Variants in BCAS3 observed in about 807,000 individuals in gnomAD.
BCAS3 encodes BCAS3 microtubule associated cell migration factor, also known as BCAS4/BCAS3 fusion.
A neutral mutation model predicts 116.1 loss-of-function variants in BCAS3; 53 were observed. The ratio of observed to expected loss-of-function variants is 0.46; its 90% CI spans 0.37 to 0.57. BCAS3 has a LOEUF of 0.57. Among genes scored for constraint, BCAS3 ranks in the 20% least tolerant of loss-of-function variants. BCAS3 has a pLI of 0.00. For missense variants in BCAS3, 917 were observed against 1,165.4 expected (o/e 0.79, Z 3.10); for synonymous variants, 391 against 408.2 (o/e 0.96, Z 0.51).
chr17:60,965,303 C>T (rs2061599445), intron 14 of BCAS3, among the ~76,000 whole-genome samples: 1 of 148,658 alleles, frequency 6.7e-6, no homozygotes, highest in Non-Finnish European at 1.5e-5. Flanking sequence ...CTCACTGCAA[C>T]CTCTGCCTCC....
At position 61,377,979 on chromosome 17, in the gene BCAS3, T is replaced by C. The variant is rs986710256; in HGVS notation, c.2593+9485T>C. On this transcript the variant is annotated intron_variant, in intron 23 of 23. Transcript: ENST00000407086. This position sits in a 1 kb window ranked among gnomAD's most constrained non-coding sequence, Gnocchi z 4.6. The stretch of plus-strand genomic sequence containing the variant: ...TTTTATCAGTTATTCTCACCTTTTA[T>C]TCAGAATAAGTAGGGATCCAGCAGA... The C allele has an allele frequency of 6.6e-6, 1 of 152,184 alleles. No individual in the cohort carries two copies. The highest frequency in any genetic ancestry group is 1.5e-5 in the Non-Finnish European group (1 of 68,038). The allele number at this position is 152,184 out of a possible 1,614,324, so 9.4% of individuals were successfully genotyped here.
chr17:60,756,393 A>G (rs1005139585), intron 6 of BCAS3, among the ~76,000 whole-genome samples: 2 of 152,264 alleles, frequency 1.3e-5, no homozygotes, highest in South Asian at 2.1e-4. Flanking sequence ...GTTTGTACCC[A>G]TTAACCAACC....
Position 61,391,625 on chromosome 17 carries a change from G to A in BCAS3, c.2594-352G>A. On this transcript the variant is annotated intron_variant, in intron 23 of 23. Coordinates refer to ENST00000407086, the MANE Select transcript of BCAS3 (RefSeq NM_017679.5). This position sits in a 1 kb window ranked among gnomAD's most constrained non-coding sequence, Gnocchi z 7.7. Reference sequence around the variant, plus strand: ...GACAGAAGGCACTGTGGAGTTGGGGGCATGCTGGCTGAGCATGAGTGTGTG... The same window carrying A: ...GACAGAAGGCACTGTGGAGTTGGGGACATGCTGGCTGAGCATGAGTGTGTG... The A allele has an allele frequency of 4.9e-6, 1 of 202,792 alleles. No individual in the cohort carries two copies. Among genetic ancestry groups the A allele is most frequent in the Non-Finnish European group, 9.8e-6 (1 of 101,902 alleles). The allele number at this position is 202,792 out of a possible 1,614,324, so 12.6% of individuals were successfully genotyped here. A position where few individuals can be genotyped will look rare whatever the true frequency, so the allele number is the denominator to read the frequency against.
intron 22 of BCAS3, among the ~76,000 whole-genome samples, chr17:61,092,268 C>T (rs1364275283): frequency 2.0e-5 from 3 of 152,086 alleles, no homozygotes; most frequent in Non-Finnish European, 4.4e-5. Context: ...CTGTCATTTC[C>T]AGCTTTTGGC....
intron 22 of BCAS3, among the ~76,000 whole-genome samples, chr17:61,334,539 C>G (rs904221999): frequency 6.6e-6 from 1 of 151,840 alleles, no homozygotes; most frequent in African/African-American, 2.4e-5. Flanking sequence ...GTGGCCCTGC[C>G]CGTATTCCCA....
At chr17:61,147,276 A>T (rs1601575462) in intron 22 of BCAS3, among the ~76,000 whole-genome samples, 1 of 151,810 alleles carries the variant, frequency 6.6e-6, no homozygotes, top group East Asian at 1.9e-4. Context: ...GGGTTTCTCC[A>T]TGTTGGTCAG....
chr17:61,078,801 C>T (rs1349743055), intron 21 of BCAS3, among the ~76,000 whole-genome samples: 1 of 152,124 alleles, frequency 6.6e-6, no homozygotes, highest in African/African-American at 2.4e-5. Context: ...CTTTTTGATG[C>T]TTTGCTTATA....
intron 16 of BCAS3, among the ~76,000 whole-genome samples, chr17:61,016,805 G>A (rs1019791386): frequency 2.6e-5 from 4 of 152,128 alleles, no homozygotes; most frequent in South Asian, 2.1e-4. Context: ...TGGCTGCTAC[G>A]TCAATATATC....
Position 60,990,367 on chromosome 17 carries a change from C to A in BCAS3, c.1486+132C>A. Reference sequence around the variant, plus strand: ...GAAGATCTTAGGCTTATATGAAATTCTTAATTATTAAATAATTTAATAAAT... The same window carrying A: ...GAAGATCTTAGGCTTATATGAAATTATTAATTATTAAATAATTTAATAAAT... On this transcript the variant is annotated intron_variant, in intron 15 of 23. Transcript: ENST00000407086. The surrounding 1 kb of genome is among the most constrained non-coding windows in gnomAD (Gnocchi z 5.1). 1.1e-6 allele frequency: 1 copy of A among 943,974 alleles called. No individual in the cohort carries two copies. The allele number at this position is 943,974 out of a possible 1,614,324, so 58.5% of individuals were successfully genotyped here.
rs2048970571 is a variant in BCAS3 at position 61,258,645 on chromosome 17, G to A, written c.2426-109682G>A. 6.6e-6 allele frequency among the ~76,000 whole-genome samples: 1 copy of A among 152,222 alleles called. No individual in the cohort carries two copies. The highest frequency in any genetic ancestry group is 2.4e-5 in the African/African-American group (1 of 41,464). On this transcript the variant is annotated intron_variant, in intron 22 of 23. Coordinates refer to ENST00000407086, the MANE Select transcript of BCAS3 (RefSeq NM_017679.5). This position sits in a 1 kb window ranked among gnomAD's most constrained non-coding sequence, Gnocchi z 4.7. The stretch of plus-strand genomic sequence containing the variant: ...TAATACAACATTGATTAAGTAAGTA[G>A]ACTGATGTTCACTCCTTATTGCATG...
chr17:60,857,829 G>GA (rs1279496329), intron 7 of BCAS3, among the ~76,000 whole-genome samples: 1 of 152,192 alleles, frequency 6.6e-6, no homozygotes, highest in Non-Finnish European at 1.5e-5. Context: ...TGTTGAATGA[G>GA]AGGTTTTTCT....
At chr17:60,875,804 G>A (rs898215648) in intron 9 of BCAS3, among the ~76,000 whole-genome samples, 3 of 151,712 alleles carry the variant, frequency 2.0e-5, no homozygotes, top group South Asian at 2.1e-4. Context: ...TCCTGTAAAG[G>A]CCATAAACAA....
intron 23 of BCAS3, chr17:61,384,690 C>T (rs1429062006): frequency 2.0e-5 from 3 of 152,282 alleles, no homozygotes; most frequent in Non-Finnish European, 4.4e-5. Context: ...GTCAGCACAG[C>T]ATTTTCTCTC....
intron 22 of BCAS3, among the ~76,000 whole-genome samples, chr17:61,210,478 G>A (rs2081392985): frequency 6.6e-6 from 1 of 152,224 alleles, no homozygotes; most frequent in Non-Finnish European, 1.5e-5. Context: ...AGACTTGAAA[G>A]AGAGAGCCAG....
In BCAS3 at chr17:61,099,097, C is replaced by T. The variant is rs532233840; in HGVS notation, c.2425+14533C>T. ...TGAGATCGCACCATTGCACTCCAGC[C>T]TGGGTGACAGAGTGAGACTCTGTCT... On this transcript the variant is annotated intron_variant, in intron 22 of 23. Coordinates refer to ENST00000407086, the MANE Select transcript of BCAS3 (RefSeq NM_017679.5). 8.8e-4 allele frequency among the ~76,000 whole-genome samples: 134 copies of T among 152,120 alleles called. 1 individual carries two copies. The highest frequency in any genetic ancestry group is 2.0e-3 in the Admixed American group (30 of 15,282).
At chr17:60,933,825 A>G (rs2059785044) in intron 13 of BCAS3, among the ~76,000 whole-genome samples, 1 of 152,226 alleles carries the variant, frequency 6.6e-6, no homozygotes, top group Admixed American at 6.5e-5. Flanking sequence ...CACAATGCAA[A>G]GGCAACTTGA....
chr17:60,877,456 G>A (rs1300394649), intron 9 of BCAS3, among the ~76,000 whole-genome samples: 1 of 152,140 alleles, frequency 6.6e-6, no homozygotes, highest in Non-Finnish European at 1.5e-5. Context: ...AAGTGAACAG[G>A]AGACTGAGTT....
intron 19 of BCAS3, among the ~76,000 whole-genome samples, chr17:61,059,727 TAGAA>T (rs1336389876): frequency 6.6e-6 from 1 of 152,126 alleles, no homozygotes; most frequent in Non-Finnish European, 1.5e-5. Flanking sequence ...TTCAAAGCTA[TAGAA>T]AGAAATTTTA....
At chr17:60,723,512 C>T (rs2039473206) in intron 5 of BCAS3, among the ~76,000 whole-genome samples, 2 of 152,026 alleles carry the variant, frequency 1.3e-5, no homozygotes, top group African/African-American at 4.8e-5. Flanking sequence ...AGACATGAGC[C>T]ATTCATTGTG....
Sources: gnomAD v4.1 joint callset for allele counts (sites outside exome capture counted in the v4.1 genomes callset) on GRCh38, gnomAD v4.1.1 for gene constraint, Gnocchi (gnomAD v3.1) non-coding constraint, MANE v1.5 for transcripts, NCBI Gene and HGNC (gene_info 2026-07-23, HGNC 2026-07-21) for gene names.